Variants in PCSK5 observed in about 807,000 individuals in gnomAD.
PCSK5 encodes proprotein convertase subtilisin/kexin type 5.
PCSK5 carries 129 observed loss-of-function variants against 233.2 expected under a neutral mutation model. The ratio of observed to expected loss-of-function variants is 0.55; its 90% CI spans 0.48 to 0.64. PCSK5 has a LOEUF of 0.64. PCSK5 is among the 30% of genes least tolerant of loss of function. PCSK5 has a pLI of 0.00. For synonymous variants in PCSK5, 825 were observed against 879.2 expected, an observed-to-expected ratio of 0.94 and a Z score of 1.09; for missense variants, 2,076 against 2,430.1, an observed-to-expected ratio of 0.85 and a Z score of 3.06.
At chr9:76,118,102 T>C (rs1490140008) in intron 9 of PCSK5, among the ~76,000 whole-genome samples, 4 of 152,054 alleles carry the variant, frequency 2.6e-5, no homozygotes, top group African/African-American at 9.7e-5. Flanking sequence ...ATAATTTTCA[T>C]TGTGCTAAAA....
chr9:76,242,474 C>T (rs1190898865), intron 24 of PCSK5, among the ~76,000 whole-genome samples: 2 of 151,952 alleles, frequency 1.3e-5, no homozygotes, highest in Admixed American at 1.3e-4. Flanking sequence ...TTAATAAACA[C>T]TTAAGAAGAA....
intron 11 of PCSK5, among the ~76,000 whole-genome samples, chr9:76,157,725 T>C (rs1456806860): frequency 6.7e-6 from 1 of 149,362 alleles, no homozygotes; most frequent in Non-Finnish European, 1.5e-5. Context: ...CTTTGGTTGA[T>C]GATGAAACTA....
chr9:76,110,432 A>G (rs1832163479), intron 9 of PCSK5, among the ~76,000 whole-genome samples: 1 of 152,250 alleles, frequency 6.6e-6, no homozygotes, highest in Admixed American at 6.5e-5. Context: ...GCTTTTCGCC[A>G]GCCTCTCTTC....
intron 7 of PCSK5, among the ~76,000 whole-genome samples, chr9:76,083,851 A>G (rs111350107): frequency 1.3e-5 from 2 of 152,374 alleles, no homozygotes; most frequent in African/African-American, 2.4e-5. Flanking sequence ...AGTAATAATC[A>G]TAATAAACTT....
At position 76,338,323 on chromosome 9, in the gene PCSK5, C is replaced by A. The variant is rs761826607; in HGVS notation, c.4842C>A (p.Cys1614Ter). Residue 1614 changes from cysteine (C) to a stop codon, truncating the protein, a stop_gained, in exon 35 of 38, where the codon TGC becomes TGA. Transcript: ENST00000674117. LOFTEE classifies it high-confidence loss of function. ...CACGGCCCACAGACTGCCTGTCTTG[C>A]GATAGATTTTTCTTTCTGCTCCGCT... ...QGPRPTDCLS[C>*]DRFFFLLRSK... 6 of 1,612,336 alleles carry A rather than the reference C, an allele frequency of 3.7e-6. No homozygotes were observed. In the East Asian group the frequency reaches 1.1e-4, roughly 30 times the overall value.
chr9:75,938,416 A>G (rs1383181475), intron 2 of PCSK5, among the ~76,000 whole-genome samples: 1 of 152,216 alleles, frequency 6.6e-6, no homozygotes, highest in African/African-American at 2.4e-5. Flanking sequence ...AACAATTACA[A>G]TAGCAACATC....
At chr9:76,319,276 G>A (rs771507116) in intron 30 of PCSK5, among the ~76,000 whole-genome samples, 13 of 152,018 alleles carry the variant, frequency 8.6e-5, no homozygotes, top group South Asian at 2.1e-4. Flanking sequence ...CATTGTGGGC[G>A]GAGGATTACC....
intron 24 of PCSK5, among the ~76,000 whole-genome samples, chr9:76,275,588 C>A (rs749909403): frequency 6.6e-6 from 1 of 152,084 alleles, no homozygotes; most frequent in East Asian, 1.9e-4. Flanking sequence ...CCACACCTGG[C>A]TAATTTTTGT....
At chr9:76,201,651 A>T (rs1342554988) in intron 20 of PCSK5, among the ~76,000 whole-genome samples, 1 of 152,194 alleles carries the variant, frequency 6.6e-6, no homozygotes, top group Non-Finnish European at 1.5e-5. Context: ...TGGCTACATC[A>T]TGCTTTGTGT....
intron 1 of PCSK5, among the ~76,000 whole-genome samples, chr9:75,931,951 A>G (rs1370790074): frequency 6.6e-6 from 1 of 152,248 alleles, no homozygotes; most frequent in African/African-American, 2.4e-5. Context: ...TAACTGTATA[A>G]ATAATCTAAC....
At position 75,950,562 on chromosome 9, in the gene PCSK5, A is replaced by G. The variant is rs544619214; in HGVS notation, c.297+18079A>G. On this transcript the variant is annotated intron_variant, in intron 2 of 37. Coordinates refer to ENST00000674117, the MANE Select transcript of PCSK5 (RefSeq NM_001372043.1). ...ACATTCTTAAAGAAAAGAATTTTCA[A>G]CCAAGAATTTCATATCCAGCCAAAC... Among the ~76,000 whole-genome samples the G allele has an allele frequency of 2.0e-5, 3 of 152,356 alleles. No individual in the cohort carries two copies. The East Asian group carries it at 5.8e-4, about 29-fold the overall frequency.
At chr9:75,961,553 C>A (rs946922) in intron 2 of PCSK5, among the ~76,000 whole-genome samples, 145,131 of 152,310 alleles carry the variant, frequency 0.95, 69,263 homozygotes, top group African/African-American at 0.98. Flanking sequence ...TCAAATTTTA[C>A]AACTGACACT....
intron 22 of PCSK5, among the ~76,000 whole-genome samples, chr9:76,238,371 C>A (rs951097939): frequency 6.6e-6 from 1 of 152,174 alleles, no homozygotes; most frequent in Non-Finnish European, 1.5e-5. Context: ...GTCAGGAACC[C>A]TCAGGAATGC....
intron 4 of PCSK5, among the ~76,000 whole-genome samples, chr9:76,024,834 TTC>T (rs1340040760): frequency 6.6e-6 from 1 of 152,236 alleles, no homozygotes; most frequent in Admixed American, 6.5e-5. Context: ...AAGACTTGGG[TTC>T]CCTCCAGTCT....
intron 1 of PCSK5, among the ~76,000 whole-genome samples, chr9:75,907,498 C>G (rs1259158039): frequency 6.6e-6 from 1 of 152,124 alleles, no homozygotes; most frequent in Non-Finnish European, 1.5e-5. Flanking sequence ...AATAGCCTAG[C>G]CCTTATCTTT....
intron 20 of PCSK5, among the ~76,000 whole-genome samples, chr9:76,190,332 A>ATTT (rs3077112): frequency 6.8e-6 from 1 of 146,086 alleles, no homozygotes; most frequent in Non-Finnish European, 1.5e-5. Flanking sequence ...CCCACTACTG[A>ATTT]TTTTTTTTTT....
intron 2 of PCSK5, among the ~76,000 whole-genome samples, chr9:75,936,783 T>C (rs577544875): frequency 1.3e-5 from 2 of 152,346 alleles, no homozygotes; most frequent in South Asian, 2.1e-4. Context: ...AGAACATTCT[T>C]AATAGCATCT....
intron 5 of PCSK5, among the ~76,000 whole-genome samples, chr9:76,033,708 C>T (rs1828740782): frequency 6.6e-6 from 1 of 152,092 alleles, no homozygotes; most frequent in African/African-American, 2.4e-5. Context: ...AACCTGGGAT[C>T]GAGGCACCAG....
chr9:76,126,201 G>GT (rs200426366), intron 9 of PCSK5, among the ~76,000 whole-genome samples: 1 of 148,310 alleles, frequency 6.7e-6, no homozygotes, highest in African/African-American at 2.5e-5. Flanking sequence ...GTGTGTGTGT[G>GT]GTGTAATTTT....
Sources: allele counts gnomAD v4.1 joint callset (sites outside exome capture counted in the v4.1 genomes callset), GRCh38; gene constraint gnomAD v4.1.1; transcripts MANE v1.5; gene names NCBI Gene and HGNC (gene_info 2026-07-23, HGNC 2026-07-21).